The following ANXA13 variants were observed in gnomAD, a reference collection of about 807,000 sequenced individuals.
ANXA13 encodes the protein annexin XIII.
Under a neutral mutation model 46.6 loss-of-function variants are expected in ANXA13, and 36 were observed. The ratio of observed to expected loss-of-function variants is 0.77; its 90% confidence interval spans 0.59 to 1.02. The LOEUF (loss-of-function observed/expected upper bound fraction) is 1.02. ANXA13 is among the 50% of genes least tolerant of loss of function. ANXA13 has a pLI of 0.00. For missense variants in ANXA13, 417 were observed against 396.5 expected, an observed-to-expected ratio of 1.05 and a Z score of -0.44; for synonymous variants, 163 against 152.9, an observed-to-expected ratio of 1.07 and a Z score of -0.49.
chr8:123,712,559 G>T (rs148949289), intron 2 of ANXA13, 119 bp downstream of exon 2: 4 of 888,438 alleles, frequency 4.5e-6, no homozygotes, highest in East Asian at 5.2e-5. Context: ...ATTGACTTGC[G>T]TTAGCTCGGA....
At chr8:123,684,463 T>G (rs767257571) in intron 10 of ANXA13, 147 bp downstream of exon 10, 20 of 618,972 alleles carry the variant, frequency 3.2e-5, no homozygotes, top group Non-Finnish European at 5.6e-5. Context: ...GAGCACAATG[T>G]CTTCTGCAAA....
In ANXA13 at chr8:123,681,140, C is replaced by T; in HGVS notation, c.*100G>A. ...GCTGCCAAGAAAGTAATCCGGGACT[C>T]TTAAGGGTTTTCGTGCGGGAGTCTC... On this transcript the variant is annotated 3_prime_UTR_variant, in exon 11 of 11. Coordinates refer to ENST00000419625, the MANE Select transcript of ANXA13 (RefSeq NM_004306.4). 6.8e-7 allele frequency: 1 copy of T among 1,464,814 alleles called. No individual in the cohort carries two copies. Among genetic ancestry groups the T allele is most frequent in the East Asian group, 2.3e-5 (1 of 43,204 alleles). 90.7% of individuals were successfully genotyped at this position (1,464,814 alleles called of 1,614,324 possible). A position where few individuals can be genotyped will look rare whatever the true frequency, so the allele number is the denominator to read the frequency against.
Position 123,729,548 on chromosome 8 carries a change from A to G in ANXA13, c.15+7772T>C, listed in dbSNP as rs1047233292. Among the ~76,000 whole-genome samples the G allele has an allele frequency of 2.0e-5, 3 of 152,092 alleles. No homozygotes were observed. In the East Asian group the frequency reaches 5.8e-4, roughly 29 times the overall value. ...GGGAGATGTACATAAGCAAGAAGGT[A>G]TTTTTTCCCTCTATCTGCTTCCTTC... On this transcript the variant is annotated intron_variant, in intron 1 of 10. Coordinates refer to ENST00000419625, the MANE Select transcript of ANXA13 (RefSeq NM_004306.4).
chr8:123,693,218 G>A lies in ANXA13; in HGVS notation c.621C>T (p.Ala207=). 1.2e-6 allele frequency: 2 copies of A among 1,614,116 alleles called. No individual in the cohort carries two copies. The highest frequency in any genetic ancestry group is 1.7e-6 in the Non-Finnish European group (2 of 1,179,994). The change falls in exon 8 of 11, where the codon GCC becomes GCT. Residue 207 remains alanine, a synonymous_variant. Coordinates refer to ENST00000419625, the MANE Select transcript of ANXA13 (RefSeq NM_004306.4). ...TTACAATTTGATAGGCTTGAAAGGT[G>A]GCTCGTAACTGCTTGTAGCTCCTCT... ...LAKRSYKQLR[A]TFQAYQILIG... is the part of the protein sequence containing the mutation.
intron 6 of ANXA13, 95 bp from the exon 7 acceptor site, chr8:123,693,874 A>G: frequency 4.4e-6 from 5 of 1,147,120 alleles, no homozygotes; most frequent in Non-Finnish European, 6.5e-6. Context: ...AAAGAGGTGA[A>G]TTCTTTCTCA....
chr8:123,702,614 C>A (rs746469680), intron 3 of ANXA13, 28 bp downstream of exon 3: 2 of 1,596,198 alleles, frequency 1.3e-6, no homozygotes, highest in Admixed American at 1.7e-5. Flanking sequence ...TGGCTGGGTG[C>A]AAGCTTGCTG....
intron 1 of ANXA13, among the ~76,000 whole-genome samples, chr8:123,715,056 T>A (rs1409812686): frequency 2.0e-5 from 3 of 152,256 alleles, no homozygotes; most frequent in East Asian, 3.8e-4. Flanking sequence ...AGTTGCAGAA[T>A]GATACCTCCT....
At chr8:123,736,195 A>G (rs2129963615) in intron 1 of ANXA13, among the ~76,000 whole-genome samples, 1 of 152,362 alleles carries the variant, frequency 6.6e-6, no homozygotes, top group East Asian at 1.9e-4. Context: ...ATATATAGCG[A>G]AGGAAAAACC....
At chr8:123,715,466 C>A (rs1474359027) in intron 1 of ANXA13, among the ~76,000 whole-genome samples, 1 of 152,240 alleles carries the variant, frequency 6.6e-6, no homozygotes, top group African/African-American at 2.4e-5. Flanking sequence ...TATCACTCGG[C>A]TAATTCATGA....
At chr8:123,716,612 G>A (rs1471445545) in intron 1 of ANXA13, among the ~76,000 whole-genome samples, 1 of 152,268 alleles carries the variant, frequency 6.6e-6, no homozygotes, top group East Asian at 1.9e-4. Flanking sequence ...TCGGTTTGGC[G>A]TTGTCCCCTC....
Position 123,685,491 on chromosome 8 carries a change from AG to A in ANXA13, c.719-770del, listed in dbSNP as rs371277544. ...GAATCCATCATGGCTAACACGTTAG[AG>A]GAAAAAAAAAATATTTGCCCTTTAG... On this transcript the variant is annotated intron_variant, in intron 9 of 10. Coordinates refer to ENST00000419625, the MANE Select transcript of ANXA13 (RefSeq NM_004306.4). Among the ~76,000 whole-genome samples the A allele has an allele frequency of 3.9e-3, 599 of 152,242 alleles. 3 individuals are homozygous for A. Among genetic ancestry groups the A allele is most frequent in the African/African-American group, 0.014 (587 of 41,524 alleles).
In ANXA13 at chr8:123,695,657, T is replaced by C. The variant is rs1199010019; in HGVS notation, c.391+31A>G. ...AGAGGTATTTTGAAAGAAACATACT[T>C]TATCCAAAGCCAGAATGAAAAGTCA... is the stretch of plus-strand genomic sequence containing the variant. On this transcript the variant is annotated intron_variant, in intron 5 of 10. Coordinates refer to ENST00000419625, the MANE Select transcript of ANXA13 (RefSeq NM_004306.4). 4 of 1,612,902 alleles carry C rather than the reference T, an allele frequency of 2.5e-6. No homozygotes were observed. The South Asian group carries it at 4.4e-5, about 18-fold the overall frequency.
intron 1 of ANXA13, among the ~76,000 whole-genome samples, chr8:123,732,566 G>A (rs913428897): frequency 2.6e-5 from 4 of 152,112 alleles, no homozygotes; most frequent in East Asian, 1.9e-4. Context: ...CCAGACTCCC[G>A]CGGCTCTAGA....
intron 7 of ANXA13, 48 bp from the exon 8 acceptor site, chr8:123,693,346 C>G: frequency 6.4e-7 from 1 of 1,552,090 alleles, no homozygotes; most frequent in Admixed American, 1.7e-5. Context: ...TGTGAAAAGA[C>G]TGATTATGCA....
At position 123,697,292 on chromosome 8, in the gene ANXA13, C is replaced by T. The variant is rs117095810; in HGVS notation, c.357+1097G>A. Among the ~76,000 whole-genome samples, 730 of 152,286 alleles carry T rather than the reference C, an allele frequency of 4.8e-3. 4 individuals are homozygous for T. The highest frequency in any genetic ancestry group is 0.014 in the Middle Eastern group (4 of 294). On this transcript the variant is annotated intron_variant, in intron 4 of 10. Transcript: ENST00000419625. ...GCGTTGGCTGCCTCCCTGCTGGGAC[C>T]TTGGTGCTTCTGAGAAGGGTGGATG...
At chr8:123,684,789 C>T (rs781637892) in intron 9 of ANXA13, 67 bp from the exon 10 acceptor site, 146 of 1,172,968 alleles carry the variant, frequency 1.2e-4, no homozygotes, top group Non-Finnish European at 1.8e-4. Flanking sequence ...TGGGACCCCC[C>T]TAAATGTCAC....
At position 123,702,844 on chromosome 8, in the gene ANXA13, A is replaced by C. The variant is rs1813469665; in HGVS notation, c.92-108T>G. The C allele has an allele frequency of 3.2e-5, 32 of 993,266 alleles. 1 individual carries two copies. The South Asian group carries it at 4.2e-4, about 13-fold the overall frequency. 61.5% of individuals were successfully genotyped at this position (993,266 alleles called of 1,614,324 possible). On this transcript the variant is annotated intron_variant, in intron 2 of 10. Transcript: ENST00000419625. ...GGACTCACAGCTTAAAGGTGGTTGG[A>C]GGTGTCTATGGAACCCAACGGACCC...
chr8:123,717,262 G>A, intron 1 of ANXA13, among the ~76,000 whole-genome samples: 1 of 152,318 alleles, frequency 6.6e-6, no homozygotes, highest in South Asian at 2.1e-4. Flanking sequence ...GTGTTGCAAG[G>A]CTTGAGGTTT....
At chr8:123,692,018 G>C (rs1459403069) in intron 8 of ANXA13, among the ~76,000 whole-genome samples, 1 of 152,238 alleles carries the variant, frequency 6.6e-6, no homozygotes, top group Non-Finnish European at 1.5e-5. Flanking sequence ...TGCAGGGTCA[G>C]CTGTCTTTGA....
Sources: gnomAD v4.1 joint callset for allele counts (sites outside exome capture counted in the v4.1 genomes callset) on GRCh38, gnomAD v4.1.1 for gene constraint, MANE v1.5 for transcripts, NCBI Gene and HGNC (gene_info 2026-07-23, HGNC 2026-07-21) for gene names.